The following PIK3C2G variants were observed in gnomAD, a reference collection of about 807,000 sequenced individuals.
PIK3C2G encodes phosphatidylinositol-4-phosphate 3-kinase catalytic subunit type 2 gamma.
A neutral mutation model predicts 181.1 loss-of-function variants in PIK3C2G; 168 were observed. That is an observed-to-expected ratio of 0.93 (90% CI 0.82 to 1.05). The LOEUF (loss-of-function observed/expected upper bound fraction) is 1.05. Among genes scored for constraint, PIK3C2G ranks in the 50% least tolerant of loss-of-function variants. The pLI, the probability that PIK3C2G is intolerant of heterozygous loss-of-function variation, is 0.00. For missense variants in PIK3C2G, 1,869 were observed against 1,732.8 expected (o/e 1.08, Z -1.40); for synonymous variants, 573 against 592.2 (o/e 0.97, Z 0.47).
intron 24 of PIK3C2G, among the ~76,000 whole-genome samples, chr12:18,516,989 C>A (rs766655358): frequency 1.4e-5 from 2 of 148,052 alleles, no homozygotes; most frequent in African/African-American, 2.5e-5. Context: ...ATTATTGGAA[C>A]TTTGTTGATG....
chr12:18,352,339 G>A (rs543195074), intron 11 of PIK3C2G, among the ~76,000 whole-genome samples: 4 of 152,248 alleles, frequency 2.6e-5, no homozygotes, highest in East Asian at 1.9e-4. Flanking sequence ...GACAGTTCCC[G>A]TGACCCTTCT....
intron 18 of PIK3C2G, among the ~76,000 whole-genome samples, 156 bp from the exon 19 acceptor site, chr12:18,488,293 G>A (rs985300472): frequency 1.3e-5 from 2 of 152,086 alleles, no homozygotes; most frequent in Non-Finnish European, 1.5e-5. Flanking sequence ...CTTGATGACT[G>A]TCAATGAATA....
At chr12:18,515,266 G>A (rs974865989) in intron 24 of PIK3C2G, among the ~76,000 whole-genome samples, 120 of 151,782 alleles carry the variant, frequency 7.9e-4, no homozygotes, top group African/African-American at 2.6e-3. Context: ...ATGATTCTCC[G>A]CTTTTTTCTA....
intron 26 of PIK3C2G, among the ~76,000 whole-genome samples, chr12:18,554,457 G>A (rs1944897269): frequency 6.6e-6 from 1 of 152,008 alleles, no homozygotes; most frequent in African/African-American, 2.4e-5. Flanking sequence ...AATATAAACT[G>A]TAAAGTTTGG....
At chr12:18,303,139 T>TTTCTTTTCTTTC (rs71302109) in intron 5 of PIK3C2G, among the ~76,000 whole-genome samples, 2 of 128,660 alleles carry the variant, frequency 1.6e-5, no homozygotes, top group Non-Finnish European at 3.3e-5. Context: ...TCTTTCTTTC[T>TTTCTTTTCTTTC]TTTCTTTTCT....
chr12:18,246,600 G>A (rs1368951187), upstream of PIK3C2G, among the ~76,000 whole-genome samples: 3 of 151,978 alleles, frequency 2.0e-5, no homozygotes, highest in South Asian at 2.1e-4. Context: ...TTTTTCAGCT[G>A]TAAAGAAGAT....
chr12:18,356,656 G>T (rs1940764564), intron 11 of PIK3C2G, among the ~76,000 whole-genome samples: 1 of 152,084 alleles, frequency 6.6e-6, no homozygotes, highest in African/African-American at 2.4e-5. Flanking sequence ...AATGAAAGTT[G>T]CTCTCAGTGG....
rs149418217 is a variant in PIK3C2G at position 18,355,784 on chromosome 12, C to T, written c.1626-6980C>T. Among the ~76,000 whole-genome samples the T allele has an allele frequency of 3.2e-3, 480 of 152,300 alleles. 3 individuals carry two copies. The highest frequency in any genetic ancestry group is 0.011 in the African/African-American group (462 of 41,562). Reference sequence around the variant, plus strand: ...GGGTTTGGGGTCATACCTCTAAGAACATATGGAAATTGTATTGTTCTGAGT... The same window carrying T: ...GGGTTTGGGGTCATACCTCTAAGAATATATGGAAATTGTATTGTTCTGAGT... On this transcript the variant is annotated intron_variant, in intron 11 of 32. Coordinates refer to ENST00000538779, the MANE Select transcript of PIK3C2G (RefSeq NM_001288772.2).
intron 11 of PIK3C2G, among the ~76,000 whole-genome samples, chr12:18,350,478 G>A (rs767917778): frequency 2.0e-5 from 3 of 152,094 alleles, no homozygotes; most frequent in Non-Finnish European, 4.4e-5. Flanking sequence ...GTGTGCACAG[G>A]GGCAAGTTGA....
upstream of PIK3C2G, among the ~76,000 whole-genome samples, chr12:18,259,898 A>C (rs562148551): frequency 2.0e-5 from 3 of 152,270 alleles, no homozygotes; most frequent in South Asian, 6.2e-4. Flanking sequence ...GGACATAGCC[A>C]TGAAAAAAGT....
At chr12:18,298,616 T>A (rs2137265924) in intron 5 of PIK3C2G, among the ~76,000 whole-genome samples, 1 of 152,016 alleles carries the variant, frequency 6.6e-6, no homozygotes, top group South Asian at 2.1e-4. Context: ...CATAAAAAAC[T>A]TGCCTACACC....
the PIK3C2G span, chr12:18,699,894 A>T: frequency 6.2e-7 from 1 of 1,612,688 alleles, no homozygotes; most frequent in Non-Finnish European, 8.5e-7. Flanking sequence ...TGAATTTCTC[A>T]GCTTTCGTAT....
rs1201591553 is a variant in PIK3C2G, at chr12:18,399,813, C to G, written c.2281C>G (p.Gln761Glu). Residue 761 changes from glutamine (Q) to glutamate (E), a missense_variant, in exon 16 of 33, where the codon CAA becomes GAA. Physicochemically the swap from Gln to Glu is conservative, Grantham distance 29 (BLOSUM62 2). Transcript: ENST00000538779. Reference sequence around the variant, plus strand: ...CATTTTGAGAAGATGGACATTTTCTCAACCTTTAGAGGCTCTTGGGCTTTT... The same window carrying G: ...CATTTTGAGAAGATGGACATTTTCTGAACCTTTAGAGGCTCTTGGGCTTTT... ...HTILRRWTFS[Q>E]PLEALGLLTS... 7 of 1,602,276 alleles carry G rather than the reference C, an allele frequency of 4.4e-6. No individual in the cohort carries two copies. The highest frequency in any genetic ancestry group is 6.0e-6 in the Non-Finnish European group (7 of 1,171,490).
intron 24 of PIK3C2G, among the ~76,000 whole-genome samples, chr12:18,507,778 A>T (rs549065401): frequency 6.6e-6 from 1 of 152,196 alleles, no homozygotes; most frequent in Non-Finnish European, 1.5e-5. Flanking sequence ...ATGAAAAAAG[A>T]TATTTCAGCT....
intron 8 of PIK3C2G, among the ~76,000 whole-genome samples, chr12:18,330,807 A>G (rs1251325832): frequency 6.6e-6 from 1 of 152,132 alleles, no homozygotes; most frequent in African/African-American, 2.4e-5. Context: ...GGACATATGT[A>G]TTGAAAACTT....
chr12:18,679,576 C>A, the PIK3C2G span, among the ~76,000 whole-genome samples: 1 of 151,904 alleles, frequency 6.6e-6, no homozygotes, highest in East Asian at 1.9e-4. Context: ...TGCCTGTAAA[C>A]ATTGCCTCAA....
At chr12:18,705,371 G>A in the PIK3C2G span, 3 of 1,566,092 alleles carry the variant, frequency 1.9e-6, no homozygotes, top group Non-Finnish European at 2.6e-6. Context: ...TAATTGTAAG[G>A]CAATTAATAT....
intron 18 of PIK3C2G, among the ~76,000 whole-genome samples, chr12:18,441,589 G>T (rs1389579247): frequency 6.6e-6 from 1 of 152,066 alleles, no homozygotes; most frequent in Non-Finnish European, 1.5e-5. Flanking sequence ...AGAAAATGAA[G>T]AGTGGACTGG....
At position 18,570,207 on chromosome 12, in the gene PIK3C2G, A is replaced by G. The variant is rs141056702; in HGVS notation, c.4011+3150A>G. ...TAATACTTCTTTATCCATAAATAAA[A>G]TGCACACTTTTTTTTTTTTTGAGAT... On this transcript the variant is annotated intron_variant, in intron 29 of 32. Transcript: ENST00000538779. 4.5e-4 allele frequency among the ~76,000 whole-genome samples: 67 copies of G among 150,550 alleles called. No homozygotes were observed. The Middle Eastern group carries it at 0.01, about 23-fold the overall frequency.
Sources: allele counts gnomAD v4.1 joint callset (sites outside exome capture counted in the v4.1 genomes callset), GRCh38; gene constraint gnomAD v4.1.1; transcripts MANE v1.5; gene names NCBI Gene and HGNC (gene_info 2026-07-23, HGNC 2026-07-21).